The following COL9A1 variants were observed in gnomAD, a reference collection of about 807,000 sequenced individuals.
COL9A1 encodes collagen type IX alpha 1 chain.
In COL9A1, 104 loss-of-function variants were observed where a neutral mutation model predicts 142.6. The ratio of observed to expected loss-of-function variants is 0.73; its 90% CI spans 0.62 to 0.86. The LOEUF is 0.86. Among genes scored for constraint, COL9A1 ranks in the 40% least tolerant of loss-of-function variants. COL9A1 has a pLI of 0.00. For missense variants in COL9A1, 1,210 were observed against 1,176.6 expected, an observed-to-expected ratio of 1.03 and a Z score of -0.42; for synonymous variants, 466 against 396.0, an observed-to-expected ratio of 1.18 and a Z score of -2.10.
At position 70,229,996 on chromosome 6, in the gene COL9A1, A is replaced by G. The variant is rs1354843401; in HGVS notation, c.2503+2587T>C. Reference sequence around the variant, plus strand: ...AAAACTTGTTTGTTATTTATGCAGCAGTTTCTCTGGAAAAAGGCTCTCAAA... The same window carrying G: ...AAAACTTGTTTGTTATTTATGCAGCGGTTTCTCTGGAAAAAGGCTCTCAAA... On this transcript the variant is annotated intron_variant, in intron 36 of 37. Transcript: ENST00000357250. 2.0e-5 allele frequency among the ~76,000 whole-genome samples: 3 copies of G among 152,210 alleles called. No individual in the cohort carries two copies. The East Asian group carries it at 5.8e-4, about 29-fold the overall frequency.
chr6:70,237,790 G>T (rs1770006790), intron 33 of COL9A1, among the ~76,000 whole-genome samples: 1 of 152,326 alleles, frequency 6.6e-6, no homozygotes, highest in South Asian at 2.1e-4. Flanking sequence ...GTGTTTAGAG[G>T]CAGGTAAGTT....
At chr6:70,300,235 C>A (rs1774009897) in intron 3 of COL9A1, 60 bp from the exon 4 acceptor site, 1 of 1,606,660 alleles carries the variant, frequency 6.2e-7, no homozygotes, top group Non-Finnish European at 8.5e-7. Flanking sequence ...TTTCTTTCCA[C>A]AACTTTCCCA....
Position 70,268,816 on chromosome 6 carries a change from T to A in COL9A1, c.1275A>T (p.Leu425=). The A allele has an allele frequency of 6.2e-7, 1 of 1,613,702 alleles. No homozygotes were observed. Among genetic ancestry groups the A allele is most frequent in the Non-Finnish European group, 8.5e-7 (1 of 1,179,668 alleles). ...GTTATTCTCTTACCCTCATGCCTGG[T>A]AGGCCTGGATATCCTGAGCGACCTG... The part of the protein sequence containing the change: ...CPPGRSGYPG[L]PGMRGHKGAK... The change falls in exon 17 of 38, where the codon CTA becomes CTT. Residue 425 remains leucine (L), a synonymous_variant. Transcript: ENST00000357250.
intron 35 of COL9A1, among the ~76,000 whole-genome samples, chr6:70,234,257 T>TGTGTGTGTGC (rs1032032453): frequency 5.5e-5 from 8 of 145,938 alleles, no homozygotes; most frequent in African/African-American, 2.0e-4. Context: ...TGTGTGTGTG[T>TGTGTGTGTGC]GCACTTTGTT....
At chr6:70,240,616 AAG>A (rs1770190532) in intron 32 of COL9A1, 71 bp downstream of exon 32, 4 of 981,988 alleles carry the variant, frequency 4.1e-6, no homozygotes, top group Non-Finnish European at 6.4e-6. Flanking sequence ...ACTGTGTTAG[AAG>A]TATATATATA....
intron 20 of COL9A1, among the ~76,000 whole-genome samples, chr6:70,259,319 C>A (rs1342745584): frequency 6.6e-6 from 1 of 152,074 alleles, no homozygotes; most frequent in Non-Finnish European, 1.5e-5. Flanking sequence ...CACCAATTAA[C>A]CATAGAAGTT....
chr6:70,215,695 A>G (rs1768457719), downstream of COL9A1: 2 of 152,242 alleles, frequency 1.3e-5, no homozygotes, highest in African/African-American at 4.8e-5. Context: ...TGAAACATAA[A>G]TCATGTTTAC....
At chr6:70,234,286 C>CA (rs1023806563) in intron 35 of COL9A1, among the ~76,000 whole-genome samples, 21 of 101,326 alleles carry the variant, frequency 2.1e-4, no homozygotes, top group East Asian at 1.2e-3. Context: ...GCCCCCATGG[C>CA]AAAAAAACAA....
At chr6:70,276,726 T>C (rs764465127) in intron 10 of COL9A1, among the ~76,000 whole-genome samples, 7 of 152,272 alleles carry the variant, frequency 4.6e-5, no homozygotes, top group South Asian at 2.1e-4. Context: ...CAAGATGTGA[T>C]TACTGCCTAC....
chr6:70,230,793 G>A (rs2025996), intron 36 of COL9A1, among the ~76,000 whole-genome samples: 3 of 152,070 alleles, frequency 2.0e-5, no homozygotes, highest in African/African-American at 7.2e-5. Flanking sequence ...CTCTGAGAAT[G>A]GGATCCAGAT....
At chr6:70,218,299 A>G (rs565644726) in intron 37 of COL9A1, among the ~76,000 whole-genome samples, 21 of 152,348 alleles carry the variant, frequency 1.4e-4, no homozygotes, top group Admixed American at 5.2e-4. Flanking sequence ...TGACCCCAAC[A>G]TGAACTTTGC....
At chr6:70,281,271 G>A in intron 8 of COL9A1, 119 bp downstream of exon 8, 2 of 976,612 alleles carry the variant, frequency 2.0e-6, no homozygotes, top group South Asian at 3.1e-5. Context: ...TAAGTGGGGT[G>A]GCAGGAAGGG....
At chr6:70,263,325 C>T (rs1216997825) in intron 18 of COL9A1, 28 bp from the exon 19 acceptor site, 1 of 1,595,156 alleles carries the variant, frequency 6.3e-7, no homozygotes, top group East Asian at 2.3e-5. Flanking sequence ...AAAAGAAAAG[C>T]ACACCAAATG....
At chr6:70,290,313 G>C (rs923445102) in intron 5 of COL9A1, among the ~76,000 whole-genome samples, 1 of 152,098 alleles carries the variant, frequency 6.6e-6, no homozygotes, top group Non-Finnish European at 1.5e-5. Flanking sequence ...TATGCTGCCA[G>C]GAAACCAAGC....
intron 5 of COL9A1, among the ~76,000 whole-genome samples, chr6:70,293,681 A>G (rs1247234110): frequency 2.0e-5 from 3 of 150,572 alleles, no homozygotes; most frequent in Non-Finnish European, 3.0e-5. Flanking sequence ...ACACATTTTC[A>G]TATACATATA....
intron 25 of COL9A1, among the ~76,000 whole-genome samples, chr6:70,253,983 C>A (rs1275642013): frequency 6.6e-6 from 1 of 152,088 alleles, no homozygotes; most frequent in East Asian, 1.9e-4. Context: ...AAAGATTTGC[C>A]TGCAAAAGAG....
chr6:70,280,667 A>T, intron 10 of COL9A1, 145 bp downstream of exon 10: 1 of 1,275,212 alleles, frequency 7.8e-7, no homozygotes, highest in Non-Finnish European at 1.1e-6. Context: ...ACGATCAATC[A>T]GGCGCTGGCA....
intron 33 of COL9A1, among the ~76,000 whole-genome samples, chr6:70,237,421 T>G (rs1391672410): frequency 6.6e-6 from 1 of 152,250 alleles, no homozygotes; most frequent in Admixed American, 6.5e-5. Context: ...GAAGAAAGTG[T>G]AAGTCTTTGT....
chr6:70,248,732 C>T (rs535963522), intron 28 of COL9A1, among the ~76,000 whole-genome samples: 69 of 152,242 alleles, frequency 4.5e-4, no homozygotes, highest in Admixed American at 7.2e-4. Flanking sequence ...CGATTCAATT[C>T]GTTTCAAGAA....
Sources: allele counts gnomAD v4.1 joint callset (sites outside exome capture counted in the v4.1 genomes callset), GRCh38; gene constraint gnomAD v4.1.1; transcripts MANE v1.5; gene names NCBI Gene and HGNC (gene_info 2026-07-23, HGNC 2026-07-21).